Variants in MCM9 observed in about 807,000 individuals in gnomAD.
MCM9 encodes DNA helicase MCM9.
A neutral mutation model predicts 72.8 loss-of-function variants in MCM9; 55 were observed. The observed-to-expected ratio is 0.76, with a 90% CI of 0.61 to 0.95. The LOEUF (loss-of-function observed/expected upper bound fraction) is 0.95. MCM9 is among the 40% of genes least tolerant of loss of function. The pLI, the probability that MCM9 is intolerant of heterozygous loss-of-function variation, is 0.00. For missense variants in MCM9, 1,279 were observed against 1,377.0 expected (o/e 0.93, Z 1.13); for synonymous variants, 480 against 503.4 (o/e 0.95, Z 0.62).
chr6:118,910,488 A>G (rs1488882077), intron 8 of MCM9: 5 of 322,544 alleles, frequency 1.6e-5, no homozygotes, highest in South Asian at 1.2e-4. Context: ...ATCAGCAGCA[A>G]TTCACTTTCA....
chr6:118,849,476 C>T (rs1332785970), intron 9 of MCM9, among the ~76,000 whole-genome samples: 1 of 151,306 alleles, frequency 6.6e-6, no homozygotes, highest in African/African-American at 2.4e-5. Flanking sequence ...ACATTATATT[C>T]TCATTATACA....
chr6:118,840,078 C>T (rs566858281), intron 9 of MCM9, among the ~76,000 whole-genome samples: 2 of 152,290 alleles, frequency 1.3e-5, no homozygotes, highest in East Asian at 3.9e-4. Context: ...ATCTATAAGC[C>T]CCTGACTGGG....
chr6:118,830,043 C>T (rs1021244573), intron 9 of MCM9, among the ~76,000 whole-genome samples: 6 of 151,928 alleles, frequency 3.9e-5, no homozygotes, highest in Admixed American at 3.9e-4. Flanking sequence ...GTACAATGGT[C>T]CAGTAGAGGG....
chr6:118,932,216 C>G (rs1782499750), intron 2 of MCM9, among the ~76,000 whole-genome samples: 1 of 152,148 alleles, frequency 6.6e-6, no homozygotes. Flanking sequence ...GGTTTATAGC[C>G]TAAGAGCAAC....
chr6:118,931,393 T>C (rs1220732007), intron 3 of MCM9, 27 bp downstream of exon 3: 21 of 1,571,622 alleles, frequency 1.3e-5, no homozygotes, highest in Non-Finnish European at 1.7e-5. Flanking sequence ...GAAGATAGCA[T>C]GGCAGTAAAA....
At chr6:118,857,983 T>C (rs1247508733) in intron 8 of MCM9, among the ~76,000 whole-genome samples, 1 of 152,168 alleles carries the variant, frequency 6.6e-6, no homozygotes, top group Non-Finnish European at 1.5e-5. Context: ...GAGTAAACAC[T>C]TCCCAACTCA....
At chr6:118,833,565 G>A (rs181118189) in intron 9 of MCM9, among the ~76,000 whole-genome samples, 9 of 152,258 alleles carry the variant, frequency 5.9e-5, no homozygotes, top group Non-Finnish European at 8.8e-5. Flanking sequence ...TAAGGAAAAC[G>A]CGGTCTATAC....
chr6:118,827,059 A>G (rs1479182066), intron 11 of MCM9, among the ~76,000 whole-genome samples, 195 bp from the exon 12 acceptor site: 1 of 152,238 alleles, frequency 6.6e-6, no homozygotes, highest in Non-Finnish European at 1.5e-5. Context: ...CCTTCTGTGT[A>G]GCCCACACAA....
intron 11 of MCM9, among the ~76,000 whole-genome samples, chr6:118,827,129 C>T (rs1774220649): frequency 6.6e-6 from 1 of 152,106 alleles, no homozygotes; most frequent in Non-Finnish European, 1.5e-5. Context: ...GCTATATAAA[C>T]ATACATTTAA....
At chr6:118,843,698 A>ATG (rs1775641514) in intron 9 of MCM9, among the ~76,000 whole-genome samples, 5 of 91,602 alleles carry the variant, frequency 5.5e-5, no homozygotes, top group South Asian at 7.4e-4. Flanking sequence ...GTATATATAT[A>ATG]TATATGTATG....
intron 8 of MCM9, chr6:118,894,043 G>C: frequency 9.6e-7 from 1 of 1,039,516 alleles, no homozygotes; most frequent in Non-Finnish European, 1.2e-6. Context: ...CTCCGCCTTT[G>C]TCCTAATCCA....
At chr6:118,851,946 A>T (rs1776251066) in intron 9 of MCM9, among the ~76,000 whole-genome samples, 1 of 152,212 alleles carries the variant, frequency 6.6e-6, no homozygotes, top group Admixed American at 6.5e-5. Flanking sequence ...ATACAGTTAT[A>T]GGTTGCTTAA....
rs1048900151 is a variant in MCM9 at position 118,931,543 on chromosome 6, A to T, written c.181T>A (p.Phe61Ile). 11 of 1,614,168 alleles carry T rather than the reference A, an allele frequency of 6.8e-6. No homozygotes were observed. The highest frequency in any genetic ancestry group is 8.5e-6 in the Non-Finnish European group (10 of 1,180,038). ...NMEIGEYFNMFPSEVLTIFDS... is the reference protein window; with the variant it reads ...NMEIGEYFNMIPSEVLTIFDS... ...AAAATTGTAAGCACTTCACTGGGGAACATGTTGAAATATTCCCCGATTTCC... is the reference window on the plus strand; with the variant it reads ...AAAATTGTAAGCACTTCACTGGGGATCATGTTGAAATATTCCCCGATTTCC... The change falls in exon 3 of 14, where the codon TTC (phenylalanine) becomes ATC (isoleucine). Residue 61 changes from phenylalanine (F) to isoleucine (I), a missense_variant. Transcript: ENST00000619706.
At chr6:118,866,484 A>C (rs769331577) in intron 8 of MCM9, among the ~76,000 whole-genome samples, 10 of 152,186 alleles carry the variant, frequency 6.6e-5, no homozygotes, top group Non-Finnish European at 1.2e-4. Context: ...AACATCAACA[A>C]AGAGAAAGCA....
chr6:118,819,448 C>A (rs756170468), intron 13 of MCM9, among the ~76,000 whole-genome samples: 2 of 152,164 alleles, frequency 1.3e-5, no homozygotes, highest in Non-Finnish European at 2.9e-5. Flanking sequence ...GTTGAACCAG[C>A]CTTGCATCCC....
At chr6:118,853,565 C>T (rs573160595) in intron 9 of MCM9, among the ~76,000 whole-genome samples, 23 of 152,004 alleles carry the variant, frequency 1.5e-4, no homozygotes, top group Admixed American at 1.3e-3. Flanking sequence ...TCTGAAAGGC[C>T]GAGGCAAGTG....
chr6:118,816,526 TAAAG>T (rs888572781), intron 13 of MCM9, among the ~76,000 whole-genome samples: 1 of 152,152 alleles, frequency 6.6e-6, no homozygotes, highest in Non-Finnish European at 1.5e-5. Context: ...TGTAGTAAAA[TAAAG>T]AAAATGAAAT....
chr6:118,859,048 T>C (rs1180422234), intron 8 of MCM9, among the ~76,000 whole-genome samples: 2 of 152,140 alleles, frequency 1.3e-5, no homozygotes, highest in African/African-American at 4.8e-5. Context: ...AGTGTGGTAC[T>C]GGAAAAAGGT....
intron 8 of MCM9, among the ~76,000 whole-genome samples, chr6:118,893,436 C>G (rs938739624): frequency 1.3e-5 from 2 of 152,106 alleles, no homozygotes; most frequent in African/African-American, 4.8e-5. Flanking sequence ...CTGATCACAC[C>G]TCTTGTGATT....
Sources: allele counts gnomAD v4.1 joint callset (sites outside exome capture counted in the v4.1 genomes callset), GRCh38; gene constraint gnomAD v4.1.1; transcripts MANE v1.5; gene names NCBI Gene and HGNC (gene_info 2026-07-23, HGNC 2026-07-21).